Variants in MFSD6 observed in about 807,000 individuals in gnomAD.
MFSD6 encodes major facilitator superfamily domain containing 6, also known as major facilitator superfamily domain-containing protein 6.
MFSD6 carries 26 observed loss-of-function variants against 56.3 expected under a neutral mutation model. The ratio of observed to expected loss-of-function variants is 0.46; its 90% CI spans 0.34 to 0.64. The LOEUF is 0.64. MFSD6 is among the 30% of genes least tolerant of loss of function. The probability of loss-of-function intolerance (pLI) is 0.01; values close to 1 mark genes in which losing one functional copy is unlikely to be tolerated. For missense variants in MFSD6, 750 were observed against 986.2 expected (o/e 0.76, Z 3.21); for synonymous variants, 331 against 366.9 (o/e 0.90, Z 1.12).
intron 4 of MFSD6, among the ~76,000 whole-genome samples, chr2:190,483,048 C>T (rs1476761442): frequency 2.0e-5 from 3 of 150,772 alleles, no homozygotes; most frequent in African/African-American, 7.3e-5. Context: ...CCTGCCACCG[C>T]GCCCGGCTAA....
Position 190,413,571 on chromosome 2 carries a change from T to A in MFSD6, c.-175-1721T>A, listed in dbSNP as rs1376935952. ...AAGACAGGGAAAGACAGGGACACTA[T>A]GAATCAGCAGTGGGCAGAGTGAGCT... is the stretch of plus-strand genomic sequence containing the variant. On this transcript the variant is annotated intron_variant, in intron 1 of 7. Transcript: ENST00000392328. This position sits in a 1 kb window ranked among gnomAD's most constrained non-coding sequence, Gnocchi z 4.1. 6.6e-6 allele frequency among the ~76,000 whole-genome samples: 1 copy of A among 151,966 alleles called. No homozygotes were observed. The highest frequency in any genetic ancestry group is 6.6e-5 in the Admixed American group (1 of 15,216).
Position 190,437,208 on chromosome 2 carries a change from C to A in MFSD6, c.1179C>A (p.Tyr393Ter). ...LIVATQFRFR[Y>*]NHFKNDDSKG... ...TTGCCACTCAGTTCCGGTTCCGCTA[C>A]AACCATTTCAAAAACGATGATTCTA... Residue 393 changes from tyrosine (Y) to a stop codon, truncating the protein, a stop_gained, in exon 3 of 8, where the codon TAC becomes TAA. Coordinates refer to ENST00000392328, the MANE Select transcript of MFSD6 (RefSeq NM_017694.4). LOFTEE classifies it high-confidence loss of function. The surrounding 1 kb of genome is among the most constrained non-coding windows in gnomAD (Gnocchi z 5.9). 1.2e-6 allele frequency: 2 copies of A among 1,614,246 alleles called. No individual in the cohort carries two copies. Among genetic ancestry groups the A allele is most frequent in the African/African-American group, 1.3e-5 (1 of 75,044 alleles).
At position 190,497,598 on chromosome 2, in the gene MFSD6, A is replaced by C; in HGVS notation, c.2051A>C (p.Asn684Thr). 6.2e-7 allele frequency: 1 copy of C among 1,614,186 alleles called. No individual in the cohort carries two copies. The highest frequency in any genetic ancestry group is 8.5e-7 in the Non-Finnish European group (1 of 1,180,030). ...TKHQEEQEDVNKPAWGVSSSP... is the reference protein window; with the variant it reads ...TKHQEEQEDVTKPAWGVSSSP... Reference sequence around the variant, plus strand: ...CACCAGGAAGAACAGGAAGATGTGAACAAACCAGCCTGGGGAGTCAGCTCT... The same window carrying C: ...CACCAGGAAGAACAGGAAGATGTGACCAAACCAGCCTGGGGAGTCAGCTCT... Residue 684 changes from asparagine to threonine, a missense_variant, in exon 7 of 8, where the codon AAC becomes ACC. Asn to Thr is a moderately conservative substitution (Grantham distance 65). This residue lies in a region of MFSD6 where 172 missense variants were observed against 203.9 expected (regional missense o/e 0.84). Coordinates refer to ENST00000392328, the MANE Select transcript of MFSD6 (RefSeq NM_017694.4). This position sits in a 1 kb window ranked among gnomAD's most constrained non-coding sequence, Gnocchi z 5.2.
chr2:190,429,850 T>A (rs1183830280), intron 2 of MFSD6, among the ~76,000 whole-genome samples: 1 of 152,206 alleles, frequency 6.6e-6, no homozygotes, highest in Non-Finnish European at 1.5e-5. Context: ...CTTGTTCTTT[T>A]TTTTTCTTTA....
intron 4 of MFSD6, among the ~76,000 whole-genome samples, chr2:190,483,896 A>G (rs1056382424): frequency 1.3e-5 from 2 of 151,926 alleles, no homozygotes; most frequent in Admixed American, 1.3e-4. Context: ...ATTATTTTTA[A>G]TGATTCTAGG....
chr2:190,444,801 C>T, intron 3 of MFSD6: 1 of 515,124 alleles, frequency 1.9e-6, no homozygotes, highest in Non-Finnish European at 2.5e-6. Context: ...AACCATCCTC[C>T]ATTTCATTCA....
chr2:190,477,038 A>G (rs1688365150), intron 4 of MFSD6, among the ~76,000 whole-genome samples: 1 of 121,640 alleles, frequency 8.2e-6, no homozygotes, highest in African/African-American at 3.2e-5. Context: ...GGAACATCAC[A>G]CACTGGGGAC....
At position 190,436,791 on chromosome 2, in the gene MFSD6, C is replaced by G. The variant is rs147029605; in HGVS notation, c.762C>G (p.Ser254Arg). 1.7e-5 allele frequency: 27 copies of G among 1,614,062 alleles called. No homozygotes were observed. Among genetic ancestry groups the G allele is most frequent in the Non-Finnish European group, 2.3e-5 (27 of 1,180,052 alleles). Residue 254 changes from serine (S) to arginine (R), a missense_variant, in exon 3 of 8, where the codon AGC (serine) becomes AGG (arginine). By Grantham distance (110) the Ser-to-Arg change is moderately radical. Coordinates refer to ENST00000392328, the MANE Select transcript of MFSD6 (RefSeq NM_017694.4). The surrounding 1 kb of genome is among the most constrained non-coding windows in gnomAD (Gnocchi z 5.3). The part of the protein sequence containing the change: ...SSTATPVSPG[S>R]VTKETTTVIV... ...CAGCAACCCCTGTCTCCCCAGGAAG[C>G]GTAACCAAGGAGACAACCACTGTTA...
intron 3 of MFSD6, among the ~76,000 whole-genome samples, chr2:190,464,492 C>T (rs1160691138): frequency 6.6e-6 from 1 of 152,164 alleles, no homozygotes; most frequent in Non-Finnish European, 1.5e-5. Flanking sequence ...GAAAAGTTCA[C>T]TTCTTTCTTC....
rs1686219705 is a variant in MFSD6, at chr2:190,437,513, C to T, written c.1484C>T (p.Thr495Ile). The T allele has an allele frequency of 4.3e-6, 7 of 1,614,144 alleles. No homozygotes were observed. The highest frequency in any genetic ancestry group is 5.9e-6 in the Non-Finnish European group (7 of 1,180,004). Reference sequence around the variant, plus strand: ...GTCCTGAGTCATGTGTCTGAGCTGACAGCATATTTTTTTAGTCACAAGCTT... The same window carrying T: ...GTCCTGAGTCATGTGTCTGAGCTGATAGCATATTTTTTTAGTCACAAGCTT... ...CSVLSHVSEL[T>I]AYFFSHKLIE... is the part of the protein sequence containing the mutation. Residue 495 changes from threonine to isoleucine, a missense_variant, in exon 3 of 8, where the codon ACA (threonine) becomes ATA (isoleucine). Transcript: ENST00000392328. The surrounding 1 kb of genome is among the most constrained non-coding windows in gnomAD (Gnocchi z 5.9).
At chr2:190,481,695 C>G (rs1574224038) in intron 4 of MFSD6, among the ~76,000 whole-genome samples, 1 of 152,220 alleles carries the variant, frequency 6.6e-6, no homozygotes, top group South Asian at 2.1e-4. Flanking sequence ...AATATAGATG[C>G]TGAGTAAATA....
At chr2:190,468,572 C>T (rs1426847572) in intron 3 of MFSD6, among the ~76,000 whole-genome samples, 1 of 151,478 alleles carries the variant, frequency 6.6e-6, no homozygotes, top group African/African-American at 2.4e-5. Flanking sequence ...CCTACCTCAG[C>T]CTCCCAAGTA....
chr2:190,483,398 A>G lies in MFSD6; in HGVS notation c.1631-5259A>G, dbSNP rs373172406. On this transcript the variant is annotated intron_variant, in intron 4 of 7. Transcript: ENST00000392328. Reference sequence around the variant, plus strand: ...AACTCTCTTCTCTGTGTGACTCTGGACAAGGCATCTAATATCTCTGTGCCT... The same window carrying G: ...AACTCTCTTCTCTGTGTGACTCTGGGCAAGGCATCTAATATCTCTGTGCCT... Among the ~76,000 whole-genome samples the G allele has an allele frequency of 7.2e-5, 11 of 152,320 alleles. No individual in the cohort carries two copies. The South Asian group carries it at 2.3e-3, about 32-fold the overall frequency.
rs919088380 is a variant in MFSD6, at chr2:190,462,244, T to C, written c.1533-7514T>C. ...ACAGAATAACCATTGTTTTAAGAGATTTACCTCATGGTTCTCAACAGGAGC... is the reference window on the plus strand; with the variant it reads ...ACAGAATAACCATTGTTTTAAGAGACTTACCTCATGGTTCTCAACAGGAGC... On this transcript the variant is annotated intron_variant, in intron 3 of 7. Transcript: ENST00000392328. The surrounding 1 kb of genome is among the most constrained non-coding windows in gnomAD (Gnocchi z 5.7). 6.6e-5 allele frequency among the ~76,000 whole-genome samples: 10 copies of C among 152,150 alleles called. No homozygotes were observed. The highest frequency in any genetic ancestry group is 2.2e-4 in the African/African-American group (9 of 41,424).
chr2:190,473,884 T>C (rs1389519938), intron 4 of MFSD6, among the ~76,000 whole-genome samples: 1 of 152,080 alleles, frequency 6.6e-6, no homozygotes, highest in East Asian at 1.9e-4. Flanking sequence ...CACAGTGCAA[T>C]CAAACTAGAA....
chr2:190,482,885 T>TC, intron 4 of MFSD6, among the ~76,000 whole-genome samples: 16 of 38,930 alleles, frequency 4.1e-4, no homozygotes, highest in African/African-American at 1.0e-3. Flanking sequence ...TTTTTTTTTT[T>TC]TTTTTTTTTT....
At chr2:190,452,646 T>TAC (rs1205947784) in intron 3 of MFSD6, among the ~76,000 whole-genome samples, 1 of 152,248 alleles carries the variant, frequency 6.6e-6, no homozygotes, top group Non-Finnish European at 1.5e-5. Context: ...TCTCACCTCT[T>TAC]AGTCTTCCTC....
chr2:190,431,193 C>G lies in MFSD6; in HGVS notation c.-53-4784C>G, dbSNP rs1325746508. On this transcript the variant is annotated intron_variant, in intron 2 of 7. Transcript: ENST00000392328. This position sits in a 1 kb window ranked among gnomAD's most constrained non-coding sequence, Gnocchi z 4.4. Reference sequence around the variant, plus strand: ...CTCACTTCCCAGATGGGATGGTGGCCGGGAAGAGGCGCTCCTCACTTCCCA... The same window carrying G: ...CTCACTTCCCAGATGGGATGGTGGCGGGGAAGAGGCGCTCCTCACTTCCCA... Among the ~76,000 whole-genome samples, 3 of 150,480 alleles carry G rather than the reference C, an allele frequency of 2.0e-5. No individual in the cohort carries two copies. Among genetic ancestry groups the G allele is most frequent in the Non-Finnish European group, 4.4e-5 (3 of 67,740 alleles).
Position 190,458,076 on chromosome 2 carries a change from T to C in MFSD6, c.1533-11682T>C, listed in dbSNP as rs1687135820. 6.6e-6 allele frequency among the ~76,000 whole-genome samples: 1 copy of C among 152,176 alleles called. No homozygotes were observed. Among genetic ancestry groups the C allele is most frequent in the Non-Finnish European group, 1.5e-5 (1 of 68,022 alleles). Reference sequence around the variant, plus strand: ...GCTGCCAGCGGTGTCACACACTCTGTTGCTGGTCTAGGGAGGAAATGGCTC... The same window carrying C: ...GCTGCCAGCGGTGTCACACACTCTGCTGCTGGTCTAGGGAGGAAATGGCTC... On this transcript the variant is annotated intron_variant, in intron 3 of 7. Transcript: ENST00000392328. This position sits in a 1 kb window ranked among gnomAD's most constrained non-coding sequence, Gnocchi z 5.3.
Sources: gnomAD v4.1 joint callset for allele counts (sites outside exome capture counted in the v4.1 genomes callset) on GRCh38, gnomAD v4.1.1 for gene constraint, gnomAD v4.1.1 regional missense constraint, Gnocchi (gnomAD v3.1) non-coding constraint, MANE v1.5 for transcripts, NCBI Gene and HGNC (gene_info 2026-07-23, HGNC 2026-07-21) for gene names.